Variants in SFMBT2 observed in about 807,000 individuals in gnomAD.
SFMBT2 encodes the protein scm-like with four MBT domains protein 2.
Under a neutral mutation model 110.1 loss-of-function variants are expected in SFMBT2, and 38 were observed. The ratio of observed to expected loss-of-function variants is 0.35; its 90% CI spans 0.27 to 0.45. The LOEUF (loss-of-function observed/expected upper bound fraction) is 0.45. Ranked by LOEUF, SFMBT2 falls within the 20% of genes least tolerant of loss-of-function variation. The pLI, the probability that SFMBT2 is intolerant of heterozygous loss-of-function variation, is 1.00. For synonymous variants in SFMBT2, 425 were observed against 425.4 expected, an observed-to-expected ratio of 1.00 and a Z score of 0.01; for missense variants, 1,011 against 1,094.9, an observed-to-expected ratio of 0.92 and a Z score of 1.08.
chr10:7,164,459 A>G (rs1837640184), intron 20 of SFMBT2: 1 of 984,688 alleles, frequency 1.0e-6, no homozygotes, highest in Admixed American at 6.1e-5. Flanking sequence ...TGAAACTCAC[A>G]TACCTACCCT....
chr10:7,164,218 C>G (rs41290257), intron 20 of SFMBT2: 18 of 773,374 alleles, frequency 2.3e-5, no homozygotes, highest in Non-Finnish European at 2.7e-5. Context: ...GAGATACGGT[C>G]TCTACAAAAA....
In SFMBT2 at chr10:7,365,129, G is replaced by T. The variant is rs2764391; in HGVS notation, c.436+2520C>A. Among the ~76,000 whole-genome samples the T allele has an allele frequency of 1.6e-3, 246 of 152,154 alleles. 3 individuals carry two copies. The highest frequency in any genetic ancestry group is 5.5e-3 in the African/African-American group (229 of 41,482). On this transcript the variant is annotated intron_variant, in intron 4 of 20. Coordinates refer to ENST00000397167, the MANE Select transcript of SFMBT2 (RefSeq NM_001387889.1). Reference sequence around the variant, plus strand: ...CATGAGCATGCACTGTGCCTCCCAGGGTGTGCCTCCTGACCCTGCGATTTG... The same window carrying T: ...CATGAGCATGCACTGTGCCTCCCAGTGTGTGCCTCCTGACCCTGCGATTTG...
chr10:7,376,560 G>A lies in SFMBT2; in HGVS notation c.100+5239C>T, dbSNP rs576643111. On this transcript the variant is annotated intron_variant, in intron 2 of 20. Transcript: ENST00000397167. Reference sequence around the variant, plus strand: ...TAAAAACACAAAAAATTAGCCAGGCGTGGTGGTGGGCACCTGTAATCCCAG... The same window carrying A: ...TAAAAACACAAAAAATTAGCCAGGCATGGTGGTGGGCACCTGTAATCCCAG... 1.1e-4 allele frequency among the ~76,000 whole-genome samples: 16 copies of A among 151,092 alleles called. No individual in the cohort carries two copies. In the South Asian group the frequency reaches 2.7e-3, roughly 26 times the overall value.
rs149068676 is a variant in SFMBT2, at chr10:7,293,303, T to C, written c.437-7349A>G. On this transcript the variant is annotated intron_variant, in intron 4 of 20. Coordinates refer to ENST00000397167, the MANE Select transcript of SFMBT2 (RefSeq NM_001387889.1). The surrounding 1 kb of genome is among the most constrained non-coding windows in gnomAD (Gnocchi z 4.6). ...TAGAAGACACCGGGTTTCACCATGT[T>C]GGCCAGGCTGGTCTTGAACTCCTGA... is the stretch of plus-strand genomic sequence containing the variant. Among the ~76,000 whole-genome samples, 2,097 of 152,284 alleles carry C rather than the reference T, an allele frequency of 0.014. 22 individuals are homozygous for C. The highest frequency in any genetic ancestry group is 0.04 in the South Asian group (193 of 4,812).
At chr10:7,352,667 A>C (rs1207611529) in intron 4 of SFMBT2, among the ~76,000 whole-genome samples, 1 of 152,214 alleles carries the variant, frequency 6.6e-6, no homozygotes, top group Non-Finnish European at 1.5e-5. Flanking sequence ...CCTCTTGCTA[A>C]GCCAAGGAGT....
chr10:7,379,250 C>T (rs1377881004), intron 2 of SFMBT2, among the ~76,000 whole-genome samples: 1 of 152,146 alleles, frequency 6.6e-6, no homozygotes, highest in Non-Finnish European at 1.5e-5. Flanking sequence ...CAGGAGAAGA[C>T]CTTCAGCACT....
Position 7,172,732 on chromosome 10 carries a change from G to T in SFMBT2, c.1985-71C>A. 1 of 1,486,696 alleles carries T rather than the reference G, an allele frequency of 6.7e-7. No individual in the cohort carries two copies. The allele number at this position is 1,486,696 out of a possible 1,614,324, so 92.1% of individuals were successfully genotyped here. On this transcript the variant is annotated intron_variant, in intron 17 of 20. Transcript: ENST00000397167. The surrounding 1 kb of genome is among the most constrained non-coding windows in gnomAD (Gnocchi z 4.6). Reference sequence around the variant, plus strand: ...CAGACATGAACAGAGAGAGGAGAGAGAAAGAAGGGAAACGATTCTTTCATC... The same window carrying T: ...CAGACATGAACAGAGAGAGGAGAGATAAAGAAGGGAAACGATTCTTTCATC...
chr10:7,184,612 A>C (rs1428782025), intron 16 of SFMBT2, among the ~76,000 whole-genome samples: 1 of 152,196 alleles, frequency 6.6e-6, no homozygotes, highest in Non-Finnish European at 1.5e-5. Flanking sequence ...AACAGAGTGA[A>C]AAAGCCAACA....
chr10:7,248,655 G>A lies in SFMBT2; in HGVS notation c.871-6C>T. 1 of 1,613,584 alleles carries A rather than the reference G, an allele frequency of 6.2e-7. No individual in the cohort carries two copies. Among genetic ancestry groups the A allele is most frequent in the Non-Finnish European group, 8.5e-7 (1 of 1,179,570 alleles). On this transcript the variant is annotated splice_region_variant and splice_polypyrimidine_tract_variant and intron_variant, in intron 7 of 20. Coordinates refer to ENST00000397167, the MANE Select transcript of SFMBT2 (RefSeq NM_001387889.1). The stretch of plus-strand genomic sequence containing the variant: ...CTTCGCAAATCTGCGTGATCCTGCA[G>A]GGAGAAAGATGAAAATATTGAAAGC...
chr10:7,248,120 T>C (rs932561542), intron 8 of SFMBT2, among the ~76,000 whole-genome samples: 2 of 152,098 alleles, frequency 1.3e-5, no homozygotes, highest in Non-Finnish European at 2.9e-5. Flanking sequence ...AGTTTTTCTT[T>C]AGTCAACAAG....
chr10:7,392,195 T>C (rs981843697), intron 1 of SFMBT2, among the ~76,000 whole-genome samples: 5 of 152,240 alleles, frequency 3.3e-5, no homozygotes, highest in Admixed American at 6.5e-5. Context: ...AAACCCTTTA[T>C]ACCTTTTCTT....
At position 7,325,478 on chromosome 10, in the gene SFMBT2, T is replaced by C. The variant is rs1004109396; in HGVS notation, c.437-39524A>G. On this transcript the variant is annotated intron_variant, in intron 4 of 20. Coordinates refer to ENST00000397167, the MANE Select transcript of SFMBT2 (RefSeq NM_001387889.1). ...ATCACCTCTGTGTAAGGAAGACCCA[T>C]GGATGTCTTCTCAATCCAGTCAGAG... 3.3e-5 allele frequency among the ~76,000 whole-genome samples: 5 copies of C among 152,344 alleles called. No individual in the cohort carries two copies. In the South Asian group the frequency reaches 1.0e-3, roughly 32 times the overall value.
In SFMBT2 at chr10:7,202,399, A is replaced by G. The variant is rs1004082412; in HGVS notation, c.1487+81T>C. ...TATTTGTTAGATAACTCCAATAAAA[A>G]CAGCCATGCTTCCCATCCTCCATAA... On this transcript the variant is annotated intron_variant, in intron 13 of 20. Coordinates refer to ENST00000397167, the MANE Select transcript of SFMBT2 (RefSeq NM_001387889.1). 3 of 1,565,116 alleles carry G rather than the reference A, an allele frequency of 1.9e-6. No homozygotes were observed. The African/African-American group carries it at 4.1e-5, about 21-fold the overall frequency.
chr10:7,271,262 C>T (rs1238003317), intron 7 of SFMBT2, among the ~76,000 whole-genome samples: 2 of 141,128 alleles, frequency 1.4e-5, no homozygotes, highest in Non-Finnish European at 3.0e-5. Context: ...CACTGCACTC[C>T]AGCCTGGGTG....
chr10:7,228,789 CCT>C (rs71382094), intron 9 of SFMBT2, among the ~76,000 whole-genome samples: 3 of 108,548 alleles, frequency 2.8e-5, no homozygotes, highest in East Asian at 3.2e-4. Flanking sequence ...TCTCCCCCTC[CCT>C]CTCTCTCTCT....
intron 7 of SFMBT2, among the ~76,000 whole-genome samples, chr10:7,259,801 C>T (rs529644749): frequency 1.3e-5 from 2 of 152,316 alleles, no homozygotes; most frequent in Admixed American, 1.3e-4. Flanking sequence ...TTGGTGTGAT[C>T]AGCAGTGCCA....
chr10:7,407,846 T>C lies in SFMBT2; in HGVS notation c.-52+3015A>G, dbSNP rs528066562. ...TGGCTATTGCCCCGAATGGTCCCCATCCGCGTCCCCGGGAACTCCCTCGGC... is the reference window on the plus strand; with the variant it reads ...TGGCTATTGCCCCGAATGGTCCCCACCCGCGTCCCCGGGAACTCCCTCGGC... On this transcript the variant is annotated intron_variant, in intron 1 of 20. Transcript: ENST00000397167. Among the ~76,000 whole-genome samples, 19 of 152,190 alleles carry C rather than the reference T, an allele frequency of 1.2e-4. No homozygotes were observed. In the South Asian group the frequency reaches 3.5e-3, roughly 28 times the overall value.
intron 7 of SFMBT2, among the ~76,000 whole-genome samples, chr10:7,271,581 A>G (rs905705514): frequency 6.6e-6 from 1 of 152,210 alleles, no homozygotes. Flanking sequence ...TCAGGGGTCC[A>G]GGGAAGGATT....
chr10:7,385,561 T>C (rs1845570308), intron 1 of SFMBT2, among the ~76,000 whole-genome samples: 1 of 152,106 alleles, frequency 6.6e-6, no homozygotes, highest in South Asian at 2.1e-4. Context: ...CTTGAAGGCA[T>C]ATGACGGAGC....
Sources: allele counts gnomAD v4.1 joint callset (sites outside exome capture counted in the v4.1 genomes callset), GRCh38; gene constraint gnomAD v4.1.1; non-coding constraint Gnocchi (gnomAD v3.1); transcripts MANE v1.5; gene names NCBI Gene and HGNC (gene_info 2026-07-23, HGNC 2026-07-21).